The following ACTR3C variants were observed in gnomAD, a reference collection of about 807,000 sequenced individuals.
ACTR3C encodes the protein actin-related protein 3C.
ACTR3C carries 18 observed loss-of-function variants against 26.3 expected under a neutral mutation model. The ratio of observed to expected loss-of-function variants is 0.68; its 90% CI spans 0.47 to 1.01. The LOEUF (loss-of-function observed/expected upper bound fraction) is 1.01. Ranked by LOEUF, ACTR3C falls within the 50% of genes least tolerant of loss-of-function variation. ACTR3C has a pLI of 0.00. For synonymous variants in ACTR3C, 55 were observed against 94.5 expected (o/e 0.58, Z 2.42); for missense variants, 184 against 250.7 (o/e 0.73, Z 1.80).
chr7:150,041,659 A>G, the ACTR3C span, among the ~76,000 whole-genome samples: 2 of 102,690 alleles, frequency 1.9e-5, no homozygotes, highest in South Asian at 6.8e-4. Flanking sequence ...CGATGAGGGT[A>G]GCAACAGCCG....
intron 6 of ACTR3C, among the ~76,000 whole-genome samples, chr7:150,281,127 T>G (rs1256529070): frequency 1.3e-5 from 2 of 151,994 alleles, no homozygotes; most frequent in African/African-American, 4.8e-5. Context: ...CCATCACTCC[T>G]GGAGAGAGGG....
the ACTR3C span, among the ~76,000 whole-genome samples, chr7:150,137,544 C>T: frequency 6.6e-6 from 1 of 152,186 alleles, no homozygotes; most frequent in African/African-American, 2.4e-5. Flanking sequence ...CGTTAGCTTC[C>T]TTTTTACTCT....
chr7:150,175,815 CAAAA>C, the ACTR3C span, among the ~76,000 whole-genome samples: 1 of 46,256 alleles, frequency 2.2e-5, no homozygotes, highest in Middle Eastern at 0.015. Flanking sequence ...TCCATCTGAA[CAAAA>C]AAAAAAAAAA....
rs1005768346 is a variant in ACTR3C, at chr7:150,274,503, G to T, written c.564+10250C>A. Among the ~76,000 whole-genome samples the T allele has an allele frequency of 2.6e-5, 4 of 152,184 alleles. No individual in the cohort carries two copies. Among genetic ancestry groups the T allele is most frequent in the African/African-American group, 9.7e-5 (4 of 41,434 alleles). On this transcript the variant is annotated intron_variant, in intron 6 of 7. Coordinates refer to ENST00000683684, the MANE Select transcript of ACTR3C (RefSeq NM_001164458.2). This position sits in a 1 kb window ranked among gnomAD's most constrained non-coding sequence, Gnocchi z 4.1. ...ACTTCATTGCACCATTCACTTCACT[G>T]GGATGGTCCGAAACTGAACCCACAA...
chr7:150,037,800 C>T, the ACTR3C span, among the ~76,000 whole-genome samples: 1 of 45,454 alleles, frequency 2.2e-5, no homozygotes, highest in African/African-American at 6.0e-5. Context: ...TCCCCAGAGC[C>T]AGCGGGGGAA....
At chr7:150,035,329 G>A in the ACTR3C span, among the ~76,000 whole-genome samples, 1 of 61,742 alleles carries the variant, frequency 1.6e-5, no homozygotes, top group Admixed American at 1.6e-4. Context: ...ACAGCCAGGG[G>A]CGGAAGAGGG....
chr7:149,893,725 A>G, the ACTR3C span, among the ~76,000 whole-genome samples: 1 of 152,212 alleles, frequency 6.6e-6, no homozygotes, highest in African/African-American at 2.4e-5. Context: ...TCTAACATAA[A>G]CCTAATTCCA....
At chr7:150,223,346 TTCAAC>T in the ACTR3C span, among the ~76,000 whole-genome samples, 1 of 152,000 alleles carries the variant, frequency 6.6e-6, no homozygotes, top group African/African-American at 2.4e-5. Flanking sequence ...AATTCTAGTT[TTCAAC>T]TATTTATGGA....
At chr7:149,979,018 C>T in the ACTR3C span, among the ~76,000 whole-genome samples, 1 of 152,088 alleles carries the variant, frequency 6.6e-6, no homozygotes, top group Non-Finnish European at 1.5e-5. Flanking sequence ...TGCTACAGTC[C>T]TCGCTCAGAA....
chr7:149,983,627 C>T, the ACTR3C span, among the ~76,000 whole-genome samples: 7 of 150,584 alleles, frequency 4.6e-5, no homozygotes, highest in Admixed American at 6.6e-5. Context: ...TTTCCAGGTA[C>T]GTATCCAAAA....
the ACTR3C span, among the ~76,000 whole-genome samples, chr7:149,970,545 A>G: frequency 1.3e-5 from 2 of 152,184 alleles, no homozygotes; most frequent in Non-Finnish European, 2.9e-5. Context: ...CTCGATGTGA[A>G]TGTTAATAGC....
the ACTR3C span, among the ~76,000 whole-genome samples, chr7:150,068,052 A>G: frequency 6.6e-6 from 1 of 152,208 alleles, no homozygotes; most frequent in Non-Finnish European, 1.5e-5. Context: ...ACAGTTATAA[A>G]TATACAAAAA....
the ACTR3C span, among the ~76,000 whole-genome samples, chr7:150,146,566 C>T: frequency 6.6e-6 from 1 of 152,150 alleles, no homozygotes; most frequent in African/African-American, 2.4e-5. Context: ...TTTTCGGCTG[C>T]TCTTCAGCTA....
the ACTR3C span, among the ~76,000 whole-genome samples, chr7:150,038,994 A>C: frequency 2.4e-5 from 2 of 85,102 alleles, 1 homozygote; most frequent in Non-Finnish European, 4.7e-5. Flanking sequence ...CGGGGTCCTC[A>C]GAGCCGGGGG....
the ACTR3C span, among the ~76,000 whole-genome samples, chr7:150,057,831 G>T: frequency 1.3e-5 from 2 of 152,148 alleles, no homozygotes; most frequent in Non-Finnish European, 2.9e-5. Flanking sequence ...GTGGAATGTT[G>T]GCAATTTCTT....
intron 6 of ACTR3C, among the ~76,000 whole-genome samples, chr7:150,252,633 ACTG>A (rs1832933983): frequency 6.6e-6 from 1 of 152,358 alleles, no homozygotes; most frequent in South Asian, 2.1e-4. Context: ...ATGGGAAAAG[ACTG>A]CTAAGTTATT....
the ACTR3C span, among the ~76,000 whole-genome samples, chr7:149,949,958 G>T: frequency 1.4e-5 from 2 of 143,272 alleles, no homozygotes; most frequent in African/African-American, 5.7e-5. Context: ...AGACCCAGTC[G>T]CACTGGGCAA....
At chr7:150,261,771 A>G (rs1414658703) in intron 6 of ACTR3C, among the ~76,000 whole-genome samples, 1 of 152,272 alleles carries the variant, frequency 6.6e-6, no homozygotes, top group Non-Finnish European at 1.5e-5. Flanking sequence ...CCTTCTAAAG[A>G]AATTGCTGAC....
At chr7:150,314,325 C>T (rs73728114) in intron 1 of ACTR3C, among the ~76,000 whole-genome samples, 3,066 of 152,270 alleles carry the variant, frequency 0.02, 85 homozygotes, top group African/African-American at 0.07. Flanking sequence ...CTATTTAATA[C>T]ACCTTAGAAA....
Sources: allele counts gnomAD v4.1 joint callset (sites outside exome capture counted in the v4.1 genomes callset), GRCh38; gene constraint gnomAD v4.1.1; non-coding constraint Gnocchi (gnomAD v3.1); transcripts MANE v1.5; gene names NCBI Gene and HGNC (gene_info 2026-07-23, HGNC 2026-07-21).